Variants in ZNF717 observed in about 807,000 individuals in gnomAD.
ZNF717 encodes the protein zinc finger protein 717, also known as krueppel-like factor X17.
ZNF717 carries 9 observed loss-of-function variants against 13.8 expected under a neutral mutation model. The observed-to-expected ratio is 0.65, with a 90% confidence interval of 0.39 to 1.14. The LOEUF (loss-of-function observed/expected upper bound fraction) is 1.14, where lower values mean the gene tolerates loss of function less well. Ranked by LOEUF, ZNF717 falls within the 50% of genes most tolerant of loss-of-function variation. The pLI is 0.01. For synonymous variants in ZNF717, 327 were observed against 364.1 expected, an observed-to-expected ratio of 0.90 and a Z score of 1.16; for missense variants, 1,040 against 1,080.7, an observed-to-expected ratio of 0.96 and a Z score of 0.53.
At chr3:75,717,887 G>A (rs1938088435) in intron 4 of ZNF717, among the ~76,000 whole-genome samples, 1 of 152,164 alleles carries the variant, frequency 6.6e-6, no homozygotes, top group Non-Finnish European at 1.5e-5. Flanking sequence ...TCCTAAATAT[G>A]GATGATTCAC....
In ZNF717 at chr3:75,700,216, AC is replaced by A. The variant is rs1321965276; in HGVS notation, n.1085+10970del. On this transcript the variant is annotated intron_variant and non_coding_transcript_variant, in intron 6 of 6. Transcript: ENST00000648506. ...AGACCAGCCTGGCCAACTTGGTGAA[AC>A]CCCATCTCTACTAAAAATACAAAAA... is the stretch of plus-strand genomic sequence containing the variant. 2.6e-5 allele frequency among the ~76,000 whole-genome samples: 4 copies of A among 152,422 alleles called. No homozygotes were observed. In the East Asian group the frequency reaches 5.8e-4, roughly 22 times the overall value.
Position 75,741,634 on chromosome 3 carries a change from T to A in ZNF717, c.160A>T (p.Thr54Ser). Residue 54 changes from threonine (T) to serine (S), a missense_variant, in exon 3 of 5, where the codon ACC becomes TCC. Around this residue, in one of 3 missense-constraint regions of ZNF717, gnomAD observed 123 missense variants for 177.8 expected, o/e 0.69. Coordinates refer to ENST00000652011, the MANE Select transcript of ZNF717 (RefSeq NM_001290208.3). ...RTLYRDVMLE[T>S]YSSLVSLGHY... Reference sequence around the variant, plus strand: ...CCCAATGATACCAGGCTGCTGTAGGTCTCCAGCATCACGTCCCTGTACAGG... The same window carrying A: ...CCCAATGATACCAGGCTGCTGTAGGACTCCAGCATCACGTCCCTGTACAGG... 1 of 1,605,642 alleles carries A rather than the reference T, an allele frequency of 6.2e-7. No individual in the cohort carries two copies. Among genetic ancestry groups the A allele is most frequent in the Non-Finnish European group, 8.5e-7 (1 of 1,174,496 alleles).
chr3:75,730,399 C>A, exon 6 of ZNF717: 13 of 448,096 alleles, frequency 2.9e-5, no homozygotes, highest in South Asian at 2.4e-4. Context: ...ATTTGCTGTG[C>A]AAAGGGTAAA....
At chr3:75,749,792 A>G (rs1192789750) in intron 2 of ZNF717, among the ~76,000 whole-genome samples, 12 of 151,582 alleles carry the variant, frequency 7.9e-5, no homozygotes, top group Non-Finnish European at 2.9e-5. Context: ...GATACCTCAC[A>G]TAAGACTCCA....
At chr3:75,784,127 A>G (rs1485597021) in intron 1 of ZNF717, among the ~76,000 whole-genome samples, 1 of 152,202 alleles carries the variant, frequency 6.6e-6, no homozygotes, top group Non-Finnish European at 1.5e-5. Flanking sequence ...AGTCACCACA[A>G]ACCGCCAGAT....
chr3:75,724,808 G>T (rs78681642), intron 4 of ZNF717, among the ~76,000 whole-genome samples: 1 of 143,484 alleles, frequency 7.0e-6, no homozygotes, highest in Admixed American at 7.1e-5. Context: ...AAAAACAAGC[G>T]AAAAAGACAA....
chr3:75,773,215 G>C (rs1468425159), intron 2 of ZNF717, among the ~76,000 whole-genome samples: 6 of 152,192 alleles, frequency 3.9e-5, no homozygotes, highest in Non-Finnish European at 7.3e-5. Context: ...AAAATCATTG[G>C]CTAAGTTAAT....
chr3:75,722,887 G>A (rs80274257), intron 4 of ZNF717, among the ~76,000 whole-genome samples: 6 of 149,140 alleles, frequency 4.0e-5, no homozygotes, highest in African/African-American at 9.9e-5. Context: ...CTTTATTCAG[G>A]TTATTGCAAT....
intron 2 of ZNF717, among the ~76,000 whole-genome samples, chr3:75,753,029 C>T (rs1237013380): frequency 1.4e-5 from 2 of 146,650 alleles, no homozygotes; most frequent in Admixed American, 6.7e-5. Context: ...TTATACCTCA[C>T]ATAGGATTCC....
chr3:75,768,740 A>C (rs1575938293), intron 2 of ZNF717, among the ~76,000 whole-genome samples: 1 of 150,872 alleles, frequency 6.6e-6, no homozygotes. Context: ...ATGACAGGCC[A>C]CCACAACCTG....
At chr3:75,697,126 A>G (rs1937612619) in intron 6 of ZNF717, among the ~76,000 whole-genome samples, 1 of 152,310 alleles carries the variant, frequency 6.6e-6, no homozygotes, top group Non-Finnish European at 1.5e-5. Context: ...GAAGATGACA[A>G]GAATGTCCAC....
downstream of ZNF717, among the ~76,000 whole-genome samples, chr3:75,732,723 C>A (rs575390203): frequency 6.6e-6 from 1 of 152,354 alleles, no homozygotes; most frequent in East Asian, 1.9e-4. Context: ...CTAAGTTATG[C>A]TGGTGGATGG....
At position 75,736,945 on chromosome 3, in the gene ZNF717, A is replaced by G. The variant is rs1303826960; in HGVS notation, c.2678T>C (p.Ile893Thr). 1.3e-6 allele frequency: 2 copies of G among 1,566,466 alleles called. No homozygotes were observed. The highest frequency in any genetic ancestry group is 2.4e-5 in the East Asian group (1 of 41,716). Residue 893 changes from isoleucine (I) to threonine (T), a missense_variant, in exon 5 of 5, where the codon ATA (isoleucine) becomes ACA (threonine). Physicochemically the swap from Ile to Thr is moderately conservative, Grantham distance 89 (BLOSUM62 -1). Transcript: ENST00000652011. ...CTCAGCTACGTCAGATTTCTCTCCTATATGGGTTTGTTGATGCCTGCTGAG... is the reference window on the plus strand; with the variant it reads ...CTCAGCTACGTCAGATTTCTCTCCTGTATGGGTTTGTTGATGCCTGCTGAG... ...SHLSRHQQTH[I>T]GEKSDVAEAG...
chr3:75,734,423 GTTTTTTTTGTTT>G (rs1411937097), downstream of ZNF717, among the ~76,000 whole-genome samples: 3 of 36,624 alleles, frequency 8.2e-5, no homozygotes, highest in African/African-American at 2.9e-4. Context: ...GGTAAAATGG[GTTTTTTTTGTTT>G]TTTTGTTTTT....
downstream of ZNF717, among the ~76,000 whole-genome samples, chr3:75,729,121 C>G (rs75997473): frequency 0.27 from 5,907 of 22,176 alleles, 122 homozygotes; most frequent in East Asian, 0.34. Context: ...CATAGACAAA[C>G]AGGGAGGGTG....
At chr3:75,710,905 CTACAT>C (rs1937924942) in exon 6 of ZNF717, 1 of 152,112 alleles carries the variant, frequency 6.6e-6, no homozygotes, top group African/African-American at 2.4e-5. Flanking sequence ...AACTTTCTCT[CTACAT>C]TAATTTACAG....
chr3:75,770,372 TCAAAACAGAGAAAC>T (rs1391642588), intron 2 of ZNF717, among the ~76,000 whole-genome samples: 1 of 152,004 alleles, frequency 6.6e-6, no homozygotes, highest in Non-Finnish European at 1.5e-5. Flanking sequence ...ACCACCCTGA[TCAAAACAGAGAAAC>T]CCCATCTCTA....
At chr3:75,759,644 C>T (rs1392394761) in intron 2 of ZNF717, among the ~76,000 whole-genome samples, 3 of 152,110 alleles carry the variant, frequency 2.0e-5, no homozygotes, top group African/African-American at 7.2e-5. Context: ...TCTTGGCTCA[C>T]TGCAACCTCT....
downstream of ZNF717, among the ~76,000 whole-genome samples, chr3:75,731,626 G>A (rs1225253417): frequency 4.6e-5 from 7 of 152,028 alleles, no homozygotes; most frequent in African/African-American, 9.7e-5. Flanking sequence ...ATGAAAAGCT[G>A]AAAAGGTCAG....
Sources: allele counts gnomAD v4.1 joint callset (sites outside exome capture counted in the v4.1 genomes callset), GRCh38; gene constraint gnomAD v4.1.1; regional missense constraint gnomAD v4.1.1; transcripts MANE v1.5; gene names NCBI Gene and HGNC (gene_info 2026-07-23, HGNC 2026-07-21).